The following BTBD9 variants were observed in gnomAD, a reference collection of about 807,000 sequenced individuals.
BTBD9 encodes the protein BTB/POZ domain-containing protein 9.
Under a neutral mutation model 64.3 loss-of-function variants are expected in BTBD9, and 49 were observed. The observed-to-expected ratio is 0.76, with a 90% CI of 0.61 to 0.97. The LOEUF (loss-of-function observed/expected upper bound fraction) is 0.97. Among genes scored for constraint, BTBD9 ranks in the 50% least tolerant of loss-of-function variants. BTBD9 has a pLI of 0.00. For synonymous variants in BTBD9, 260 were observed against 274.7 expected (o/e 0.95, Z 0.53); for missense variants, 598 against 762.1 (o/e 0.78, Z 2.53).
chr6:38,360,919 G>C (rs1318004669), intron 6 of BTBD9, among the ~76,000 whole-genome samples: 1 of 152,170 alleles, frequency 6.6e-6, no homozygotes, highest in East Asian at 1.9e-4. Context: ...TGCTGCAAAG[G>C]GAAAGAGCCA....
chr6:38,562,768 G>A (rs1281437521), intron 6 of BTBD9, among the ~76,000 whole-genome samples: 2 of 152,110 alleles, frequency 1.3e-5, no homozygotes, highest in Non-Finnish European at 2.9e-5. Flanking sequence ...GTTTTTTGAA[G>A]CTATAAGCAA....
intron 6 of BTBD9, among the ~76,000 whole-genome samples, chr6:38,349,461 A>G (rs550310982): frequency 6.6e-6 from 1 of 152,148 alleles, no homozygotes; most frequent in Non-Finnish European, 1.5e-5. Context: ...TCTGCAGTAC[A>G]GTATAATATT....
intron 1 of BTBD9, among the ~76,000 whole-genome samples, chr6:38,610,731 A>T (rs1404803418): frequency 6.6e-6 from 1 of 152,158 alleles, no homozygotes; most frequent in Non-Finnish European, 1.5e-5. Flanking sequence ...CTGTAACAAA[A>T]TCATGTATGT....
intron 6 of BTBD9, among the ~76,000 whole-genome samples, chr6:38,443,889 T>C (rs972389155): frequency 6.6e-6 from 1 of 152,220 alleles, no homozygotes; most frequent in East Asian, 1.9e-4. Flanking sequence ...CCCAGGGGTA[T>C]GATTCTTCAA....
At chr6:38,301,118 C>T (rs1488718271) in intron 7 of BTBD9, among the ~76,000 whole-genome samples, 1 of 152,150 alleles carries the variant, frequency 6.6e-6, no homozygotes, top group Non-Finnish European at 1.5e-5. Context: ...CTGACATAAT[C>T]ATGTAGTTTT....
chr6:38,235,410 G>A (rs1029943795), intron 9 of BTBD9, among the ~76,000 whole-genome samples: 8 of 152,072 alleles, frequency 5.3e-5, no homozygotes, highest in African/African-American at 1.9e-4. Flanking sequence ...CAACCTTCAG[G>A]GCTGACATGC....
At chr6:38,601,384 T>G (rs1777233886) in intron 1 of BTBD9, among the ~76,000 whole-genome samples, 1 of 152,220 alleles carries the variant, frequency 6.6e-6, no homozygotes, top group Admixed American at 6.5e-5. Context: ...ACCTACAAAG[T>G]GATAGTTTCA....
At chr6:38,388,144 GT>G (rs1766258885) in intron 6 of BTBD9, among the ~76,000 whole-genome samples, 1 of 149,136 alleles carries the variant, frequency 6.7e-6, no homozygotes. Context: ...AGAGACATCT[GT>G]TAGCACATCT....
chr6:38,396,119 G>A (rs1039407630), intron 6 of BTBD9, among the ~76,000 whole-genome samples: 1 of 152,086 alleles, frequency 6.6e-6, no homozygotes, highest in African/African-American at 2.4e-5. Flanking sequence ...TAAAAAGACA[G>A]GGCCAGATCA....
At chr6:38,398,122 T>C (rs907329887) in intron 6 of BTBD9, among the ~76,000 whole-genome samples, 8 of 152,178 alleles carry the variant, frequency 5.3e-5, no homozygotes, top group African/African-American at 1.7e-4. Flanking sequence ...ATGACTTCGT[T>C]CGATTTTTAC....
intron 1 of BTBD9, among the ~76,000 whole-genome samples, chr6:38,616,474 A>G (rs1195337467): frequency 6.6e-6 from 1 of 152,122 alleles, no homozygotes; most frequent in Non-Finnish European, 1.5e-5. Flanking sequence ...TTAATGTATT[A>G]GCAAGCCAGG....
intron 9 of BTBD9, among the ~76,000 whole-genome samples, chr6:38,194,278 C>A (rs962438825): frequency 1.3e-5 from 2 of 152,092 alleles, no homozygotes; most frequent in Admixed American, 1.3e-4. Flanking sequence ...GGGAGCAGCC[C>A]CTGGCCAAGG....
chr6:38,471,379 C>G, intron 6 of BTBD9, among the ~76,000 whole-genome samples: 1 of 152,162 alleles, frequency 6.6e-6, no homozygotes, highest in Non-Finnish European at 1.5e-5. Flanking sequence ...GTTTGCCTCA[C>G]CCAAGGAATC....
chr6:38,424,815 C>A (rs1464315962), intron 6 of BTBD9, among the ~76,000 whole-genome samples: 1 of 151,212 alleles, frequency 6.6e-6, no homozygotes. Context: ...CCACACCCAG[C>A]CTATTTATCT....
chr6:38,467,956 GGCATAT>G (rs1299304405), intron 6 of BTBD9, among the ~76,000 whole-genome samples: 1 of 151,852 alleles, frequency 6.6e-6, no homozygotes, highest in Non-Finnish European at 1.5e-5. Context: ...AGGTATTACT[GGCATAT>G]ATAAACTGCA....
chr6:38,228,346 C>CG (rs1554130218), intron 9 of BTBD9, among the ~76,000 whole-genome samples: 6 of 69,126 alleles, frequency 8.7e-5, no homozygotes, highest in South Asian at 5.3e-4. Context: ...CCCTGTCCCC[C>CG]CCCCCAAAAA....
chr6:38,260,136 G>C (rs1174865570), intron 8 of BTBD9, among the ~76,000 whole-genome samples: 1 of 152,052 alleles, frequency 6.6e-6, no homozygotes, highest in Admixed American at 6.6e-5. Context: ...AAAGATGTTT[G>C]GTCTTTCTCT....
At chr6:38,605,472 T>C (rs1777400216) in intron 1 of BTBD9, among the ~76,000 whole-genome samples, 1 of 152,224 alleles carries the variant, frequency 6.6e-6, no homozygotes, top group African/African-American at 2.4e-5. Flanking sequence ...TCCACAAAGA[T>C]GCAGGGCTGA....
intron 7 of BTBD9, among the ~76,000 whole-genome samples, chr6:38,302,487 A>ATGTGTGTGTGTG (rs551031528): frequency 0.012 from 258 of 20,844 alleles, 3 homozygotes; most frequent in African/African-American, 0.036. Context: ...GTGTGTATGT[A>ATGTGTGTGTGTG]TATATATATA....
Sources: allele counts gnomAD v4.1 joint callset (sites outside exome capture counted in the v4.1 genomes callset), GRCh38; gene constraint gnomAD v4.1.1; transcripts MANE v1.5; gene names NCBI Gene and HGNC (gene_info 2026-07-23, HGNC 2026-07-21).